The following CHD7 variants were observed in gnomAD, a reference collection of about 807,000 sequenced individuals.
CHD7 encodes ATP-dependent chromatin remodeler CHD7.
Under a neutral mutation model 307.3 loss-of-function variants are expected in CHD7, and 24 were observed. The observed-to-expected ratio is 0.08, with a 90% confidence interval of 0.06 to 0.11. CHD7 has a LOEUF of 0.11. CHD7 is among the 10% of genes least tolerant of loss of function. The pLI is 1.00. For missense variants in CHD7, 3,106 were observed against 3,727.1 expected (o/e 0.83, Z 4.34); for synonymous variants, 1,363 against 1,349.9 (o/e 1.01, Z -0.21).
At chr8:60,757,360 T>C (rs554572913) in intron 2 of CHD7, among the ~76,000 whole-genome samples, 2 of 152,336 alleles carry the variant, frequency 1.3e-5, no homozygotes, top group East Asian at 1.9e-4. Context: ...AGAATCATAA[T>C]TGGTAGAGAA....
At chr8:60,768,572 C>G (rs897984179) in intron 2 of CHD7, among the ~76,000 whole-genome samples, 1 of 152,200 alleles carries the variant, frequency 6.6e-6, no homozygotes, top group African/African-American at 2.4e-5. Context: ...TTGGTCCTTC[C>G]TCATTGAGAT....
intron 1 of CHD7, among the ~76,000 whole-genome samples, chr8:60,713,041 C>A (rs1293574190): frequency 9.8e-6 from 1 of 101,710 alleles, no homozygotes; most frequent in East Asian, 3.3e-4. Flanking sequence ...CAGAGTGAAA[C>A]TCTGTCTCAA....
chr8:60,730,931 T>C (rs1808421481), intron 1 of CHD7, among the ~76,000 whole-genome samples: 2 of 152,204 alleles, frequency 1.3e-5, no homozygotes, highest in Non-Finnish European at 2.9e-5. Context: ...TGTACCCTTC[T>C]GAGTAGCATG....
chr8:60,775,053 G>T (rs1303044078), intron 2 of CHD7, among the ~76,000 whole-genome samples: 1 of 151,980 alleles, frequency 6.6e-6, no homozygotes, highest in Non-Finnish European at 1.5e-5. Context: ...ATGCCATAAA[G>T]GTGGCTCATG....
At chr8:60,795,979 A>T (rs1038771123) in intron 4 of CHD7, among the ~76,000 whole-genome samples, 20 of 152,182 alleles carry the variant, frequency 1.3e-4, no homozygotes, top group Non-Finnish European at 2.8e-4. Context: ...TATTTAGTAC[A>T]CACTCAGGAC....
chr8:60,766,043 A>T (rs1298271697), intron 2 of CHD7, among the ~76,000 whole-genome samples: 2 of 152,254 alleles, frequency 1.3e-5, no homozygotes, highest in African/African-American at 2.4e-5. Context: ...TCTAATCCAC[A>T]GAAAAGTTAA....
intron 34 of CHD7, 96 bp downstream of exon 34, chr8:60,856,984 A>G (rs2129655333): frequency 8.9e-7 from 1 of 1,129,332 alleles, no homozygotes; most frequent in Admixed American, 2.6e-5. Flanking sequence ...TCTCAGCAGC[A>G]TTGTATGAAA....
intron 7 of CHD7, among the ~76,000 whole-genome samples, chr8:60,810,635 A>T (rs1488275323): frequency 1.3e-5 from 2 of 152,026 alleles, no homozygotes; most frequent in Non-Finnish European, 2.9e-5. Context: ...CAGTCCTAAC[A>T]TATATAGGAA....
intron 2 of CHD7, among the ~76,000 whole-genome samples, chr8:60,746,555 T>A (rs1029196463): frequency 3.9e-5 from 6 of 152,256 alleles, no homozygotes; most frequent in African/African-American, 1.4e-4. Context: ...CCAGATTAGG[T>A]TGAAATGTCC....
At chr8:60,864,020 C>T (rs1439910753) in intron 37 of CHD7, 1 of 152,154 alleles carries the variant, frequency 6.6e-6, no homozygotes, top group Non-Finnish European at 1.5e-5. Flanking sequence ...GTGTGAGCCA[C>T]TGTGCCCAGC....
intron 29 of CHD7, 79 bp from the exon 30 acceptor site, chr8:60,852,419 G>T: frequency 1.4e-6 from 2 of 1,410,782 alleles, no homozygotes; most frequent in African/African-American, 1.4e-5. Context: ...TATAAAGTCT[G>T]GGGGGAAGAA....
chr8:60,833,664 G>A (rs1042834415), intron 15 of CHD7, among the ~76,000 whole-genome samples: 10 of 152,214 alleles, frequency 6.6e-5, no homozygotes, highest in Non-Finnish European at 1.0e-4. Context: ...CTTGTTTCAA[G>A]TTGTCTTTGA....
chr8:60,714,060 G>T (rs1029647478), intron 1 of CHD7, among the ~76,000 whole-genome samples: 1 of 152,058 alleles, frequency 6.6e-6, no homozygotes, highest in African/African-American at 2.4e-5. Context: ...GGCTGCTTAG[G>T]GGGAGCGCTG....
intron 37 of CHD7, 75 bp from the exon 38 acceptor site, chr8:60,864,941 C>A: frequency 7.1e-7 from 1 of 1,417,532 alleles, no homozygotes; most frequent in South Asian, 1.3e-5. Context: ...GGCAGGTTCA[C>A]CACAGAGGCT....
At chr8:60,836,786 A>T (rs776883819) in intron 16 of CHD7, 31 bp from the exon 17 acceptor site, 1 of 1,560,514 alleles carries the variant, frequency 6.4e-7, no homozygotes, top group Admixed American at 1.7e-5. Context: ...GCTATGCGTC[A>T]GGCCTCCTTG....
intron 6 of CHD7, among the ~76,000 whole-genome samples, chr8:60,805,218 A>G (rs1329533783): frequency 6.6e-6 from 1 of 152,216 alleles, no homozygotes; most frequent in Non-Finnish European, 1.5e-5. Flanking sequence ...CTGAGGGCTT[A>G]TGAATTCACA....
intron 4 of CHD7, among the ~76,000 whole-genome samples, chr8:60,796,414 C>G (rs577566923): frequency 6.6e-6 from 1 of 152,158 alleles, no homozygotes; most frequent in South Asian, 2.1e-4. Context: ...TTATTTTTAT[C>G]CGTAAGGGTA....
intron 28 of CHD7, among the ~76,000 whole-genome samples, chr8:60,851,798 TAATA>T (rs1181330326): frequency 6.6e-6 from 1 of 152,318 alleles, no homozygotes. Flanking sequence ...TATGTAGGAC[TAATA>T]AATAATGTTT....
chr8:60,778,342 A>G (rs554653943), intron 2 of CHD7, among the ~76,000 whole-genome samples: 1 of 152,358 alleles, frequency 6.6e-6, no homozygotes, highest in South Asian at 2.1e-4. Flanking sequence ...ATCAAACAGA[A>G]TTAATACTTT....
Sources: allele counts gnomAD v4.1 joint callset (sites outside exome capture counted in the v4.1 genomes callset), GRCh38; gene constraint gnomAD v4.1.1; transcripts MANE v1.5; gene names NCBI Gene and HGNC (gene_info 2026-07-23, HGNC 2026-07-21).